The following MYT1L variants were observed in gnomAD, a reference collection of about 807,000 sequenced individuals.
The protein encoded by MYT1L is myelin transcription factor 1-like protein.
Under a neutral mutation model 126.7 loss-of-function variants are expected in MYT1L, and 12 were observed. The ratio of observed to expected loss-of-function variants is 0.09; its 90% CI spans 0.06 to 0.15. The LOEUF is 0.15. Among genes scored for constraint, MYT1L ranks in the 10% least tolerant of loss-of-function variants. The pLI is 1.00. For synonymous variants in MYT1L, 541 were observed against 604.2 expected (o/e 0.90, Z 1.53); for missense variants, 979 against 1,585.2 (o/e 0.62, Z 6.49).
intron 2 of MYT1L, among the ~76,000 whole-genome samples, chr2:2,183,373 G>A (rs73176025): frequency 0.012 from 1,877 of 152,214 alleles, 40 homozygotes; most frequent in African/African-American, 0.043. Context: ...CCCACGGGAG[G>A]GGAGGAGAGA....
intron 22 of MYT1L, among the ~76,000 whole-genome samples, chr2:1,807,677 T>TTA (rs1293266777): frequency 6.6e-6 from 1 of 152,112 alleles, no homozygotes; most frequent in Non-Finnish European, 1.5e-5. Context: ...TGGCTACAGG[T>TTA]TACAGCTGAT....
At chr2:2,181,859 T>A (rs1443061187) in intron 2 of MYT1L, among the ~76,000 whole-genome samples, 2 of 152,154 alleles carry the variant, frequency 1.3e-5, no homozygotes, top group Non-Finnish European at 2.9e-5. Context: ...TTTCATTTGA[T>A]CCTCAGAACA....
chr2:1,917,573 A>C lies in MYT1L; in HGVS notation c.1484-234T>G, dbSNP rs776896869. Among the ~76,000 whole-genome samples, 1 of 152,242 alleles carries C rather than the reference A, an allele frequency of 6.6e-6. No homozygotes were observed. The highest frequency in any genetic ancestry group is 1.5e-5 in the Non-Finnish European group (1 of 68,050). ...TTTTAATTTTTATTCTAAAGAAAAG[A>C]AAAGCCTACCCCTCACCTTAACTCT... On this transcript the variant is annotated intron_variant, in intron 10 of 24. Transcript: ENST00000647738. The surrounding 1 kb of genome is among the most constrained non-coding windows in gnomAD (Gnocchi z 5.9).
At chr2:2,238,660 C>T (rs951420242) in intron 2 of MYT1L, among the ~76,000 whole-genome samples, 4 of 152,210 alleles carry the variant, frequency 2.6e-5, no homozygotes, top group Non-Finnish European at 5.9e-5. Context: ...TCTGAGAGAT[C>T]CTGCGTTACA....
chr2:2,255,631 C>T (rs2094787634), intron 2 of MYT1L, among the ~76,000 whole-genome samples: 1 of 152,082 alleles, frequency 6.6e-6, no homozygotes, highest in South Asian at 2.1e-4. Context: ...GAACATAAAA[C>T]ATTTACAGAA....
chr2:2,160,309 G>GA (rs1360409683), intron 3 of MYT1L, among the ~76,000 whole-genome samples: 2 of 152,224 alleles, frequency 1.3e-5, no homozygotes, highest in Admixed American at 6.5e-5. Context: ...CATTGGAAGA[G>GA]AAAAAATACT....
chr2:2,081,711 CTTAG>C lies in MYT1L; in HGVS notation c.-303-27592_-303-27589del, dbSNP rs537411426. Among the ~76,000 whole-genome samples, 231 of 152,146 alleles carry C rather than the reference CTTAG, an allele frequency of 1.5e-3. 1 individual carries two copies. Among genetic ancestry groups the C allele is most frequent in the Admixed American group, 5.2e-3 (79 of 15,278 alleles). ...GTTATTCTTTTTAACCTCTTCATAC[CTTAG>C]TTAGTTTATTTATTTATATTTATTT... is the stretch of plus-strand genomic sequence containing the variant. On this transcript the variant is annotated intron_variant, in intron 3 of 24. Transcript: ENST00000647738.
At chr2:2,108,281 T>C (rs1014912749) in intron 3 of MYT1L, among the ~76,000 whole-genome samples, 6 of 152,230 alleles carry the variant, frequency 3.9e-5, no homozygotes, top group Non-Finnish European at 8.8e-5. Flanking sequence ...ACACTGCGTA[T>C]GCTTTCATTC....
intron 2 of MYT1L, among the ~76,000 whole-genome samples, chr2:2,202,287 G>A (rs1300417742): frequency 1.3e-5 from 2 of 152,104 alleles, no homozygotes; most frequent in East Asian, 3.9e-4. Context: ...AGGACTGAAG[G>A]AAATAGAGAC....
intron 4 of MYT1L, among the ~76,000 whole-genome samples, chr2:2,014,703 T>C (rs2064194387): frequency 6.6e-6 from 1 of 152,092 alleles, no homozygotes; most frequent in Non-Finnish European, 1.5e-5. Context: ...GCAGATAAGA[T>C]GTATTTAGGC....
At chr2:1,914,542 G>A (rs113378916) in intron 11 of MYT1L, among the ~76,000 whole-genome samples, 22 of 152,084 alleles carry the variant, frequency 1.4e-4, no homozygotes, top group African/African-American at 5.3e-4. Flanking sequence ...AGCCACCTCT[G>A]CACCTGACCT....
intron 3 of MYT1L, among the ~76,000 whole-genome samples, chr2:2,060,686 CCTCCT>C (rs2070310587): frequency 1.5e-5 from 2 of 129,502 alleles, no homozygotes; most frequent in African/African-American, 2.9e-5. Context: ...CCTCCCCTCC[CCTCCT>C]CTCTGCCCTT....
At chr2:2,042,849 G>GA (rs2067704613) in intron 4 of MYT1L, among the ~76,000 whole-genome samples, 1 of 152,136 alleles carries the variant, frequency 6.6e-6, no homozygotes, top group East Asian at 1.9e-4. Context: ...GACAGCAGGC[G>GA]ATAGCCTCCC....
chr2:2,274,330 G>C (rs1023492201), intron 2 of MYT1L, among the ~76,000 whole-genome samples: 2 of 141,758 alleles, frequency 1.4e-5, no homozygotes, highest in East Asian at 4.8e-4. Flanking sequence ...AGGAAGGAAG[G>C]AAGGGAGGGA....
At chr2:2,054,872 C>A (rs553419121) in intron 3 of MYT1L, among the ~76,000 whole-genome samples, 4 of 147,802 alleles carry the variant, frequency 2.7e-5, no homozygotes, top group Non-Finnish European at 6.0e-5. Flanking sequence ...AGGTGAGAAG[C>A]ATGAAGATGA....
At chr2:2,003,476 C>T (rs917069264) in intron 4 of MYT1L, among the ~76,000 whole-genome samples, 1 of 152,196 alleles carries the variant, frequency 6.6e-6, no homozygotes. Flanking sequence ...TGCCTCTCAA[C>T]AGAGCTCTTC....
chr2:1,882,356 G>A (rs1030946065), intron 18 of MYT1L, among the ~76,000 whole-genome samples: 7 of 151,848 alleles, frequency 4.6e-5, no homozygotes, highest in African/African-American at 1.7e-4. Flanking sequence ...ACGTGCACCC[G>A]GGTGCTCTCG....
chr2:2,151,096 G>A (rs1379608952), intron 3 of MYT1L, among the ~76,000 whole-genome samples: 1 of 152,144 alleles, frequency 6.6e-6, no homozygotes, highest in Non-Finnish European at 1.5e-5. Context: ...AAAACTTTGA[G>A]TCTGTGCCAA....
At chr2:2,117,939 G>T (rs2080442630) in intron 3 of MYT1L, among the ~76,000 whole-genome samples, 1 of 151,902 alleles carries the variant, frequency 6.6e-6, no homozygotes, top group South Asian at 2.1e-4. Context: ...TTATGCTTAT[G>T]TTTGGGGTGT....
Sources: gnomAD v4.1 joint callset for allele counts (sites outside exome capture counted in the v4.1 genomes callset) on GRCh38, gnomAD v4.1.1 for gene constraint, Gnocchi (gnomAD v3.1) non-coding constraint, MANE v1.5 for transcripts, NCBI Gene and HGNC (gene_info 2026-07-23, HGNC 2026-07-21) for gene names.